The following R3HDM2 variants were observed in gnomAD, a reference collection of about 807,000 sequenced individuals.
The protein encoded by R3HDM2 is R3H domain-containing protein 2.
In R3HDM2, 38 loss-of-function variants were observed where a neutral mutation model predicts 124.5. The observed-to-expected ratio is 0.31, with a 90% confidence interval of 0.24 to 0.40. The LOEUF (loss-of-function observed/expected upper bound fraction) is 0.40, where lower values mean the gene tolerates loss of function less well. Ranked by LOEUF, R3HDM2 falls within the 10% of genes least tolerant of loss-of-function variation. R3HDM2 has a pLI of 1.00. For synonymous variants in R3HDM2, 391 were observed against 448.0 expected, an observed-to-expected ratio of 0.87 and a Z score of 1.61; for missense variants, 869 against 1,236.9, an observed-to-expected ratio of 0.70 and a Z score of 4.46.
At chr12:57,417,601 CT>C (rs1302209714) in intron 1 of R3HDM2, among the ~76,000 whole-genome samples, 1 of 152,064 alleles carries the variant, frequency 6.6e-6, no homozygotes, top group Non-Finnish European at 1.5e-5. Flanking sequence ...ATTATTTGTT[CT>C]TTTTTTGTAT....
intron 2 of R3HDM2, among the ~76,000 whole-genome samples, chr12:57,373,334 A>C (rs1353631951): frequency 6.6e-6 from 1 of 151,498 alleles, no homozygotes; most frequent in African/African-American, 2.4e-5. Context: ...CCCCGTCTCT[A>C]CTAAAAATAC....
intron 13 of R3HDM2, among the ~76,000 whole-genome samples, chr12:57,281,243 C>T (rs1472001391): frequency 4.8e-5 from 7 of 147,048 alleles, no homozygotes; most frequent in African/African-American, 1.3e-4. Context: ...GCTGAGATCG[C>T]GCCATGACAC....
intron 19 of R3HDM2, 146 bp from the exon 20 acceptor site, chr12:57,259,205 G>A: frequency 1.3e-6 from 1 of 744,566 alleles, no homozygotes; most frequent in Non-Finnish European, 2.1e-6. Context: ...TGAGATGGCT[G>A]CTGATGTGGC....
At position 57,413,500 on chromosome 12, in the gene R3HDM2, C is replaced by T. The variant is rs1054783197; in HGVS notation, c.-106+17220G>A. On this transcript the variant is annotated intron_variant, in intron 1 of 23. Transcript: ENST00000402412. ...CCTGTAATCCCAGCACTTTGGGAGG[C>T]GGAGGCGGGCAGATCGCTTGAAGTC... Among the ~76,000 whole-genome samples the T allele has an allele frequency of 1.5e-4, 22 of 150,014 alleles. No individual in the cohort carries two copies. The East Asian group carries it at 2.6e-3, about 18-fold the overall frequency.
intron 2 of R3HDM2, among the ~76,000 whole-genome samples, chr12:57,337,365 C>A (rs1234167956): frequency 6.6e-6 from 1 of 152,030 alleles, no homozygotes; most frequent in Non-Finnish European, 1.5e-5. Flanking sequence ...CTTGCCTAGG[C>A]TGGTTTCGAA....
chr12:57,300,016 G>T (rs886867799), intron 5 of R3HDM2, 79 bp downstream of exon 5: 19 of 1,070,662 alleles, frequency 1.8e-5, no homozygotes, highest in Non-Finnish European at 2.4e-5. Context: ...CAAGTCTGAT[G>T]TTGCTGTGAC....
At chr12:57,261,937 A>T (rs2040963736) in intron 19 of R3HDM2, among the ~76,000 whole-genome samples, 1 of 152,184 alleles carries the variant, frequency 6.6e-6, no homozygotes. Context: ...TTTAAGTGGC[A>T]TCATTAAACC....
At chr12:57,303,039 G>A (rs2051624067) in intron 4 of R3HDM2, 137 bp downstream of exon 4, 2 of 762,486 alleles carry the variant, frequency 2.6e-6, no homozygotes, top group Non-Finnish European at 2.2e-6. Context: ...ACTTACGCAG[G>A]TTCACAATTG....
chr12:57,364,445 T>C (rs894265345), intron 2 of R3HDM2, among the ~76,000 whole-genome samples: 2 of 151,878 alleles, frequency 1.3e-5, no homozygotes, highest in Non-Finnish European at 2.9e-5. Context: ...CCACCACGCC[T>C]AGCCTACAGG....
chr12:57,416,230 G>C (rs1273511755), intron 1 of R3HDM2, among the ~76,000 whole-genome samples: 5 of 152,124 alleles, frequency 3.3e-5, no homozygotes, highest in Admixed American at 6.6e-5. Flanking sequence ...TGTATGTAGG[G>C]AGGGAGCAAA....
chr12:57,288,806 A>G (rs957474833), intron 12 of R3HDM2: 169 of 1,460,900 alleles, frequency 1.2e-4, no homozygotes, highest in Non-Finnish European at 1.5e-4. Flanking sequence ...TTACAGCAAA[A>G]CAAAATAAAA....
rs2069832364 is a variant in R3HDM2, at chr12:57,418,157, A to C, written c.-106+12563T>G. ...TACCCTTTTCTTATCTCAGTAAGCA[A>C]CACCACCCAGTTTGCCCAAGACACA... is the stretch of plus-strand genomic sequence containing the variant. On this transcript the variant is annotated intron_variant, in intron 1 of 23. Coordinates refer to ENST00000402412, the MANE Select transcript of R3HDM2 (RefSeq NM_001394031.1). The C allele has an allele frequency of 8.1e-6, 8 of 985,254 alleles. No homozygotes were observed. The South Asian group carries it at 1.9e-4, about 23-fold the overall frequency. 61.0% of individuals were successfully genotyped at this position (985,254 alleles called of 1,614,324 possible). A position where few individuals can be genotyped will look rare whatever the true frequency, so the allele number is the denominator to read the frequency against.
intron 2 of R3HDM2, among the ~76,000 whole-genome samples, chr12:57,371,152 G>A (rs1018443199): frequency 1.6e-5 from 2 of 128,228 alleles, no homozygotes; most frequent in African/African-American, 6.0e-5. Flanking sequence ...CAACAAACTA[G>A]GGCAGGCAAA....
chr12:57,263,356 A>T (rs935281637), intron 19 of R3HDM2, among the ~76,000 whole-genome samples: 16 of 152,242 alleles, frequency 1.1e-4, no homozygotes, highest in African/African-American at 3.6e-4. Context: ...GGAAATTTTA[A>T]GGCCAAGTGC....
At chr12:57,412,307 C>CG (rs2069076493) in intron 1 of R3HDM2, among the ~76,000 whole-genome samples, 2 of 119,620 alleles carry the variant, frequency 1.7e-5, no homozygotes, top group Admixed American at 9.3e-5. Context: ...TTTGGGAGGC[C>CG]AAGGGGGGCG....
intron 4 of R3HDM2, among the ~76,000 whole-genome samples, chr12:57,302,591 A>T (rs1396535870): frequency 2.0e-5 from 3 of 150,928 alleles, no homozygotes; most frequent in Non-Finnish European, 3.0e-5. Flanking sequence ...GCTTGAATCC[A>T]GAAGACGGAG....
intron 2 of R3HDM2, among the ~76,000 whole-genome samples, chr12:57,356,278 AT>A (rs922304980): frequency 4.7e-4 from 70 of 148,980 alleles, no homozygotes; most frequent in African/African-American, 1.0e-3. Flanking sequence ...TGAAGCCTGA[AT>A]TTTTTTTTTT....
intron 2 of R3HDM2, among the ~76,000 whole-genome samples, chr12:57,358,566 C>T (rs1264354759): frequency 1.3e-5 from 2 of 151,668 alleles, no homozygotes; most frequent in Non-Finnish European, 2.9e-5. Flanking sequence ...ATCAGTTGAA[C>T]CCAGAAGGTG....
intron 2 of R3HDM2, among the ~76,000 whole-genome samples, chr12:57,323,127 T>G (rs2056726858): frequency 6.6e-6 from 1 of 152,172 alleles, no homozygotes; most frequent in Non-Finnish European, 1.5e-5. Flanking sequence ...GGCCATACAC[T>G]ACAGGCAAGG....
Sources: allele counts gnomAD v4.1 joint callset (sites outside exome capture counted in the v4.1 genomes callset), GRCh38; gene constraint gnomAD v4.1.1; transcripts MANE v1.5; gene names NCBI Gene and HGNC (gene_info 2026-07-23, HGNC 2026-07-21).